The following FBXL5 variants were observed in gnomAD, a reference collection of about 807,000 sequenced individuals.
FBXL5 encodes F-box/LRR-repeat protein 5.
Under a neutral mutation model 78.3 loss-of-function variants are expected in FBXL5, and 26 were observed. The observed-to-expected ratio is 0.33, with a 90% CI of 0.24 to 0.46. FBXL5 has a LOEUF of 0.46. Ranked by LOEUF, FBXL5 falls within the 20% of genes least tolerant of loss-of-function variation. The pLI, the probability that FBXL5 is intolerant of heterozygous loss-of-function variation, is 1.00. For synonymous variants in FBXL5, 295 were observed against 282.5 expected, an observed-to-expected ratio of 1.04 and a Z score of -0.45; for missense variants, 710 against 829.2, an observed-to-expected ratio of 0.86 and a Z score of 1.77.
intron 1 of FBXL5, among the ~76,000 whole-genome samples, chr4:15,671,933 T>C (rs1717788439): frequency 6.6e-6 from 1 of 152,224 alleles, no homozygotes; most frequent in South Asian, 2.1e-4. Flanking sequence ...TTTTTGAACA[T>C]ATGGAATACT....
rs539563174 is a variant in FBXL5, at chr4:15,665,848, T to C, written c.-283-5926A>G. On this transcript the variant is annotated intron_variant, in intron 1 of 4. Coordinates refer to the FBXL5 transcript ENST00000507899. ...GATTTGGCTGTTGGTAGGAATCCGA[T>C]GATTAGTGTACCTGCACCTGTTCTG... 1.5e-4 allele frequency among the ~76,000 whole-genome samples: 23 copies of C among 152,208 alleles called. 1 individual carries two copies. In the South Asian group the frequency reaches 4.6e-3, roughly 30 times the overall value.
rs780191290 is a variant in FBXL5 at position 15,625,478 on chromosome 4, C to T, written c.1624G>A (p.Ala542Thr). 2.5e-6 allele frequency: 4 copies of T among 1,613,940 alleles called. No homozygotes were observed. Among genetic ancestry groups the T allele is most frequent in the Non-Finnish European group, 3.4e-6 (4 of 1,179,900 alleles). The change falls in exon 9 of 11, where the codon GCC becomes ACC. Residue 542 changes from alanine (A) to threonine (T), a missense_variant. Ala to Thr is a moderately conservative substitution (Grantham distance 58). Coordinates refer to ENST00000341285, the MANE Select transcript of FBXL5 (RefSeq NM_012161.4). ...AATGAGTGACCACAATACGCAAAGGCTGGAGAAGCACAATGCTGCTGCCAA... is the reference window on the plus strand; with the variant it reads ...AATGAGTGACCACAATACGCAAAGGTTGGAGAAGCACAATGCTGCTGCCAA... The part of the protein sequence containing the change: ...VCWQQHCASP[A>T]FAYCGHSFCC...
At chr4:15,658,922 A>G (rs1717163211), upstream of FBXL5, among the ~76,000 whole-genome samples, 1 of 152,178 alleles carries the variant, frequency 6.6e-6, no homozygotes, top group Admixed American at 6.5e-5. Context: ...GACACCCAAT[A>G]TGCAGCAGGA....
At chr4:15,626,825 C>T (rs1272297404) in intron 8 of FBXL5, 48 bp downstream of exon 8, 2 of 1,306,574 alleles carry the variant, frequency 1.5e-6, no homozygotes, top group African/African-American at 3.3e-5. Context: ...TAAATGAAAC[C>T]TTATAAAATA....
intron 10 of FBXL5, among the ~76,000 whole-genome samples, chr4:15,610,766 A>T (rs1482725358): frequency 1.3e-5 from 2 of 152,100 alleles, no homozygotes; most frequent in African/African-American, 2.4e-5. Context: ...CAATAGTGAG[A>T]TTTATTCCAA....
chr4:15,628,773 A>ACACACACACACACACACACACG (rs1713324265), intron 6 of FBXL5, among the ~76,000 whole-genome samples: 1 of 6,294 alleles, frequency 1.6e-4, no homozygotes, highest in African/African-American at 1.3e-3. Context: ...CCAGACACAG[A>ACACACACACACACACACACACG]CACACACACA....
At position 15,636,672 on chromosome 4, in the gene FBXL5, T is replaced by C. The variant is rs1577459271; in HGVS notation, c.588A>G (p.Ala196=). ...TACCTGTGGAGTGTTCTGACACTTCTGCTTCTGAAATAAAAAAGAAAAACT... is the reference window on the plus strand; with the variant it reads ...TACCTGTGGAGTGTTCTGACACTTCCGCTTCTGAAATAAAAAAGAAAAACT... ...YSVDEKSDKE[A]EVSEHSTGIT... The change falls in exon 5 of 11, where the codon GCA becomes GCG. Residue 196 remains alanine, a synonymous_variant. Transcript: ENST00000341285. The C allele has an allele frequency of 6.5e-7, 1 of 1,544,610 alleles. No homozygotes were observed. Among genetic ancestry groups the C allele is most frequent in the Non-Finnish European group, 8.8e-7 (1 of 1,142,416 alleles).
chr4:15,655,687 G>C (rs745885613), upstream of FBXL5, among the ~76,000 whole-genome samples: 3 of 152,236 alleles, frequency 2.0e-5, no homozygotes, highest in Non-Finnish European at 2.9e-5. Flanking sequence ...GCCTTGAGGA[G>C]AGGCAGCCAA....
intron 9 of FBXL5, among the ~76,000 whole-genome samples, chr4:15,615,547 A>C (rs1711748591): frequency 6.7e-6 from 1 of 148,482 alleles, no homozygotes; most frequent in Admixed American, 6.8e-5. Flanking sequence ...AGGGATTGTA[A>C]ATACACCAAT....
intron 1 of FBXL5, among the ~76,000 whole-genome samples, chr4:15,645,588 C>T (rs1013536143): frequency 3.3e-5 from 5 of 152,036 alleles, no homozygotes; most frequent in African/African-American, 1.2e-4. Context: ...CCACCACGCC[C>T]GGCTAATTTT....
intron 5 of FBXL5, among the ~76,000 whole-genome samples, chr4:15,634,232 T>A (rs1713993324): frequency 6.6e-6 from 1 of 152,172 alleles, no homozygotes; most frequent in Admixed American, 6.5e-5. Context: ...TCACCCGGAT[T>A]GGAGTACAGT....
chr4:15,636,695 A>C lies in FBXL5; in HGVS notation c.584-19T>G, dbSNP rs771908224. The C allele has an allele frequency of 1.6e-5, 24 of 1,525,362 alleles. No individual in the cohort carries two copies. In the African/African-American group the frequency reaches 3.8e-4, roughly 24 times the overall value. The allele number at this position is 1,525,362 out of a possible 1,614,324, so 94.5% of individuals were successfully genotyped here. On this transcript the variant is annotated intron_variant, in intron 4 of 10. Transcript: ENST00000341285. ...TCTGCTTCTGAAATAAAAAAGAAAA[A>C]CTTTACCAGTAAAGGCTAAAGAGCA... is the stretch of plus-strand genomic sequence containing the variant.
intron 5 of FBXL5, among the ~76,000 whole-genome samples, chr4:15,631,278 T>C (rs1034934473): frequency 4.6e-5 from 7 of 152,368 alleles, no homozygotes; most frequent in Non-Finnish European, 5.9e-5. Context: ...TAGTATTACA[T>C]GGTGTATATG....
rs767828028 is a variant in FBXL5, at chr4:15,640,777, A to C, written c.396+11T>G. On this transcript the variant is annotated intron_variant, in intron 3 of 10. Transcript: ENST00000341285. ...TATAAATCTAAATCACGAAAGAAAAATTATGCTTACCTCCTCTTCCTCTTT... is the reference window on the plus strand; with the variant it reads ...TATAAATCTAAATCACGAAAGAAAACTTATGCTTACCTCCTCTTCCTCTTT... The C allele has an allele frequency of 6.4e-5, 92 of 1,434,620 alleles. No homozygotes were observed. Among genetic ancestry groups the C allele is most frequent in the Non-Finnish European group, 8.5e-5 (90 of 1,062,406 alleles). The allele number at this position is 1,434,620 out of a possible 1,614,324, so 88.9% of individuals were successfully genotyped here. A position where few individuals can be genotyped will look rare whatever the true frequency, so the allele number is the denominator to read the frequency against.
Position 15,655,348 on chromosome 4 carries a change from G to C in FBXL5, c.-61C>G, listed in dbSNP as rs934485192. On this transcript the variant is annotated 5_prime_UTR_variant, in exon 1 of 11. Coordinates refer to ENST00000341285, the MANE Select transcript of FBXL5 (RefSeq NM_012161.4). ...CCGCCGCCTCTCCATAGACACCCTC[G>C]CCGCGGGGCAGAGGCGGCGCGCCCC... is the stretch of plus-strand genomic sequence containing the variant. 1 of 1,263,394 alleles carries C rather than the reference G, an allele frequency of 7.9e-7. No individual in the cohort carries two copies. The highest frequency in any genetic ancestry group is 1.0e-6 in the Non-Finnish European group (1 of 972,146). The allele number at this position is 1,263,394 out of a possible 1,614,324, so 78.3% of individuals were successfully genotyped here.
intron 9 of FBXL5, among the ~76,000 whole-genome samples, chr4:15,616,367 G>C (rs915522478): frequency 6.6e-6 from 1 of 152,206 alleles, no homozygotes; most frequent in African/African-American, 2.4e-5. Flanking sequence ...TTCCCACACA[G>C]CCCAAAAGGC....
chr4:15,610,660 C>A (rs1722189274), intron 10 of FBXL5, among the ~76,000 whole-genome samples: 1 of 151,946 alleles, frequency 6.6e-6, no homozygotes, highest in Non-Finnish European at 1.5e-5. Context: ...TAAAAACATA[C>A]AAACATAAAA....
rs558361950 is a variant in FBXL5, at chr4:15,675,542, A to G, written c.-284+5841T>C. 1.3e-3 allele frequency among the ~76,000 whole-genome samples: 189 copies of G among 143,946 alleles called. 1 individual carries two copies. The highest frequency in any genetic ancestry group is 4.7e-3 in the African/African-American group (181 of 38,484). 94.4% of individuals were successfully genotyped at this position (143,946 alleles called of 152,430 possible). A position where few individuals can be genotyped will look rare whatever the true frequency, so the allele number is the denominator to read the frequency against. On this transcript the variant is annotated intron_variant, in intron 1 of 4. Coordinates refer to the FBXL5 transcript ENST00000507899. ...CCACTCAAGGAGTTGAACCTTCACT[A>G]TGTCTTAACTTCTCGGTCACAAAAC...
chr4:15,623,065 T>A (rs997365705), intron 9 of FBXL5, among the ~76,000 whole-genome samples: 1 of 152,182 alleles, frequency 6.6e-6, no homozygotes, highest in Non-Finnish European at 1.5e-5. Flanking sequence ...AAACCTTTTC[T>A]CTGCTTTTCT....
Sources: gnomAD v4.1 joint callset for allele counts (sites outside exome capture counted in the v4.1 genomes callset) on GRCh38, gnomAD v4.1.1 for gene constraint, MANE v1.5 for transcripts, NCBI Gene and HGNC (gene_info 2026-07-23, HGNC 2026-07-21) for gene names.